The following GRIK2 variants were observed in gnomAD, a reference collection of about 807,000 sequenced individuals.
GRIK2 encodes the protein glutamate receptor ionotropic, kainate 2.
A neutral mutation model predicts 100.3 loss-of-function variants in GRIK2; 32 were observed. The observed-to-expected ratio is 0.32, with a 90% confidence interval of 0.24 to 0.43. The LOEUF is 0.43. GRIK2 is among the 20% of genes least tolerant of loss of function. The pLI, the probability that GRIK2 is intolerant of heterozygous loss-of-function variation, is 1.00. For synonymous variants in GRIK2, 417 were observed against 389.4 expected (o/e 1.07, Z -0.83); for missense variants, 843 against 1,114.9 (o/e 0.76, Z 3.47).
chr6:101,966,374 A>G (rs935844397), intron 14 of GRIK2, among the ~76,000 whole-genome samples: 9 of 152,126 alleles, frequency 5.9e-5, no homozygotes, highest in Admixed American at 2.0e-4. Context: ...AGTAAAGGAG[A>G]AATTTAAAAA....
intron 7 of GRIK2, among the ~76,000 whole-genome samples, chr6:101,688,999 A>G (rs1365211173): frequency 2.6e-5 from 4 of 151,978 alleles, no homozygotes; most frequent in Non-Finnish European, 5.9e-5. Context: ...AATAAAACCA[A>G]TTGAGTTCTG....
chr6:101,959,528 G>A (rs73498653), intron 14 of GRIK2, among the ~76,000 whole-genome samples: 6,815 of 151,996 alleles, frequency 0.045, 506 homozygotes, highest in African/African-American at 0.16. Context: ...ATTTCAAAAA[G>A]CCAATTTTTA....
At chr6:101,513,228 G>A (rs894421251) in intron 2 of GRIK2, among the ~76,000 whole-genome samples, 29 of 152,106 alleles carry the variant, frequency 1.9e-4, no homozygotes, top group Non-Finnish European at 3.1e-4. Flanking sequence ...AAAGGGGTGT[G>A]AGAGGTTCCA....
At chr6:101,665,565 T>C (rs1769963900) in intron 4 of GRIK2, among the ~76,000 whole-genome samples, 1 of 152,224 alleles carries the variant, frequency 6.6e-6, no homozygotes, top group Non-Finnish European at 1.5e-5. Context: ...CTGCCTTCTT[T>C]ATTCCCACCT....
intron 2 of GRIK2, among the ~76,000 whole-genome samples, chr6:101,446,022 G>T (rs1318623380): frequency 1.3e-5 from 2 of 151,998 alleles, no homozygotes; most frequent in Non-Finnish European, 2.9e-5. Flanking sequence ...CTCTGCCTGT[G>T]ATATCCCTCC....
At chr6:102,010,104 C>T (rs1222708190) in intron 14 of GRIK2, among the ~76,000 whole-genome samples, 1 of 152,058 alleles carries the variant, frequency 6.6e-6, no homozygotes, top group East Asian at 1.9e-4. Context: ...CACCAGTCAA[C>T]ACACATGCGC....
At chr6:101,777,306 G>A (rs1433972576) in intron 7 of GRIK2, among the ~76,000 whole-genome samples, 1 of 152,144 alleles carries the variant, frequency 6.6e-6, no homozygotes, top group Non-Finnish European at 1.5e-5. Context: ...AGCTGAATGA[G>A]TGAGCACCAG....
At chr6:101,817,281 C>T (rs1781691961) in intron 9 of GRIK2, among the ~76,000 whole-genome samples, 1 of 152,072 alleles carries the variant, frequency 6.6e-6, no homozygotes, top group Non-Finnish European at 1.5e-5. Flanking sequence ...CTGATGGGAC[C>T]TTTGTTAGCA....
chr6:101,537,886 T>C, intron 2 of GRIK2, among the ~76,000 whole-genome samples: 1 of 151,726 alleles, frequency 6.6e-6, no homozygotes, highest in East Asian at 1.9e-4. Context: ...ATGCCTATCA[T>C]ACTAAAATTT....
intron 5 of GRIK2, among the ~76,000 whole-genome samples, chr6:101,679,387 A>C (rs2128341151): frequency 6.6e-6 from 1 of 152,274 alleles, no homozygotes; most frequent in South Asian, 2.1e-4. Flanking sequence ...CACCAGCTTA[A>C]TGTTGGGGTT....
chr6:101,835,721 T>C (rs1442515182), intron 10 of GRIK2, among the ~76,000 whole-genome samples: 1 of 147,762 alleles, frequency 6.8e-6, no homozygotes, highest in Non-Finnish European at 1.5e-5. Flanking sequence ...CGCCTCGGCC[T>C]CCCAAAGTGC....
At chr6:101,541,090 T>C (rs9386282) in intron 2 of GRIK2, among the ~76,000 whole-genome samples, 51,926 of 151,708 alleles carry the variant, frequency 0.34, 9,208 homozygotes, top group South Asian at 0.46. Context: ...TTTGTAGATG[T>C]CTCAGTTTTA....
At chr6:101,841,747 C>T (rs536833517) in intron 10 of GRIK2, among the ~76,000 whole-genome samples, 4 of 152,230 alleles carry the variant, frequency 2.6e-5, no homozygotes, top group East Asian at 1.9e-4. Flanking sequence ...TAGACTCTGA[C>T]GATTTTGAAG....
intron 2 of GRIK2, among the ~76,000 whole-genome samples, chr6:101,418,323 G>T (rs2518184): frequency 6.6e-6 from 1 of 152,154 alleles, no homozygotes; most frequent in African/African-American, 2.4e-5. Context: ...CTTTCTGGCA[G>T]TGGATAAAAG....
intron 14 of GRIK2, among the ~76,000 whole-genome samples, chr6:101,996,504 G>A (rs973453032): frequency 2.6e-5 from 4 of 151,954 alleles, no homozygotes; most frequent in African/African-American, 7.2e-5. Flanking sequence ...CTCTTAGCAG[G>A]AGGATCTTCA....
chr6:102,067,462 C>T (rs150737566), intron 16 of GRIK2, among the ~76,000 whole-genome samples: 1 of 151,704 alleles, frequency 6.6e-6, no homozygotes, highest in East Asian at 1.9e-4. Flanking sequence ...GCAGCTAACG[C>T]ACAAATAAGT....
chr6:101,979,158 T>C (rs1793571028), intron 14 of GRIK2, among the ~76,000 whole-genome samples: 1 of 151,802 alleles, frequency 6.6e-6, no homozygotes, highest in Non-Finnish European at 1.5e-5. Flanking sequence ...AGCAAGAAAG[T>C]TTTAGGACTG....
chr6:101,668,381 T>G (rs1464400676), intron 4 of GRIK2, among the ~76,000 whole-genome samples: 1 of 152,158 alleles, frequency 6.6e-6, no homozygotes, highest in Non-Finnish European at 1.5e-5. Flanking sequence ...CATTTTAAAT[T>G]TTCTCATTAT....
At chr6:101,642,659 C>T (rs181757049) in intron 4 of GRIK2, among the ~76,000 whole-genome samples, 117 of 151,716 alleles carry the variant, frequency 7.7e-4, no homozygotes, top group Non-Finnish European at 1.4e-3. Context: ...TGGGTTGCTT[C>T]CACCTTTTAG....
Sources: allele counts gnomAD v4.1 joint callset (sites outside exome capture counted in the v4.1 genomes callset), GRCh38; gene constraint gnomAD v4.1.1; transcripts MANE v1.5; gene names NCBI Gene and HGNC (gene_info 2026-07-23, HGNC 2026-07-21).